DNAJC6: variants seen among roughly 807,000 people sequenced by gnomAD.
DNAJC6 encodes DnaJ heat shock protein family (Hsp40) member C6.
In DNAJC6, 34 loss-of-function variants were observed where a neutral mutation model predicts 110.0. The observed-to-expected ratio is 0.31, with a 90% CI of 0.24 to 0.41. The LOEUF is 0.41. DNAJC6 is among the 10% of genes least tolerant of loss of function. The pLI is 1.00. For missense variants in DNAJC6, 1,031 were observed against 1,207.8 expected, an observed-to-expected ratio of 0.85 and a Z score of 2.17; for synonymous variants, 406 against 437.2, an observed-to-expected ratio of 0.93 and a Z score of 0.89.
At chr1:65,363,531 C>G (rs1414538644) in intron 1 of DNAJC6, among the ~76,000 whole-genome samples, 1 of 152,190 alleles carries the variant, frequency 6.6e-6, no homozygotes, top group Non-Finnish European at 1.5e-5. Flanking sequence ...ATACACAGCA[C>G]TTCCCCTCAC....
At chr1:65,317,356 G>A (rs1247106150) in intron 1 of DNAJC6, among the ~76,000 whole-genome samples, 4 of 152,174 alleles carry the variant, frequency 2.6e-5, no homozygotes, top group Admixed American at 6.5e-5. Context: ...AGTTCTTCAC[G>A]GTCCAAGAAA....
rs143504255 is a variant in DNAJC6, at chr1:65,401,812, C to T, written c.2159C>T (p.Ser720Leu). The T allele has an allele frequency of 2.2e-4, 363 of 1,613,938 alleles. No individual in the cohort carries two copies. In the African/African-American group the frequency reaches 4.0e-3, roughly 18 times the overall value. The change falls in exon 15 of 19, where the codon TCG (serine) becomes TTG (leucine). Residue 720 changes from serine to leucine, a missense_variant. Transcript: ENST00000371069. ...KSAATSPTGS[S>L]HGTPTHQSKP... ...GCTGCCACCAGCCCAACCGGATCCT[C>T]GCATGGTACTCCCACCCATCAAAGC... is the stretch of plus-strand genomic sequence containing the variant.
At position 65,395,150 on chromosome 1, in the gene DNAJC6, C is replaced by G. The variant is rs1645964598; in HGVS notation, c.2038+118C>G. 4.4e-6 allele frequency: 5 copies of G among 1,145,704 alleles called. No individual in the cohort carries two copies. The East Asian group carries it at 1.4e-4, about 32-fold the overall frequency. The allele number at this position is 1,145,704 out of a possible 1,614,324, so 71.0% of individuals were successfully genotyped here. A position where few individuals can be genotyped will look rare whatever the true frequency, so the allele number is the denominator to read the frequency against. On this transcript the variant is annotated intron_variant, in intron 13 of 18. Coordinates refer to ENST00000371069, the MANE Select transcript of DNAJC6 (RefSeq NM_001256864.2). ...TTTTGATAAAAGCTTCCTCACACATCTCTGTTTTTGAAATTAACAACTCAC... is the reference window on the plus strand; with the variant it reads ...TTTTGATAAAAGCTTCCTCACACATGTCTGTTTTTGAAATTAACAACTCAC...
intron 5 of DNAJC6, 43 bp downstream of exon 5, chr1:65,379,567 C>A: frequency 1.2e-6 from 2 of 1,609,722 alleles, no homozygotes; most frequent in South Asian, 2.2e-5. Context: ...TTGGTTTGGT[C>A]AAATATGGAT....
At chr1:65,382,360 G>A (rs1645830149) in intron 5 of DNAJC6, among the ~76,000 whole-genome samples, 1 of 152,162 alleles carries the variant, frequency 6.6e-6, no homozygotes, top group Admixed American at 6.5e-5. Context: ...AAAGGTAGGT[G>A]ATTAATGGAT....
chr1:65,382,459 CT>C (rs1645830854), intron 5 of DNAJC6, among the ~76,000 whole-genome samples: 1 of 152,104 alleles, frequency 6.6e-6, no homozygotes, highest in African/African-American at 2.4e-5. Context: ...TATCAATTTT[CT>C]TAGAATTATA....
chr1:65,403,469 T>C (rs1328478971), intron 15 of DNAJC6, among the ~76,000 whole-genome samples: 1 of 152,228 alleles, frequency 6.6e-6, no homozygotes, highest in Non-Finnish European at 1.5e-5. Flanking sequence ...ACAGGTATTT[T>C]TGAGTACTTA....
intron 1 of DNAJC6, among the ~76,000 whole-genome samples, chr1:65,281,452 C>T (rs1367437462): frequency 6.6e-6 from 1 of 152,142 alleles, no homozygotes; most frequent in Non-Finnish European, 1.5e-5. Context: ...CTGGCAACCA[C>T]TAATCTATTT....
intron 4 of DNAJC6, among the ~76,000 whole-genome samples, chr1:65,368,662 T>C (rs531147784): frequency 2.0e-5 from 3 of 147,762 alleles, no homozygotes; most frequent in African/African-American, 7.5e-5. Flanking sequence ...CCCTTCCTCC[T>C]TCCTTCCTCT....
chr1:65,334,186 T>C (rs1404452848), intron 1 of DNAJC6, among the ~76,000 whole-genome samples: 1 of 152,254 alleles, frequency 6.6e-6, no homozygotes, highest in Non-Finnish European at 1.5e-5. Context: ...AAGTATAACA[T>C]GTAACCATGT....
intron 1 of DNAJC6, among the ~76,000 whole-genome samples, chr1:65,336,659 T>C (rs1645340007): frequency 6.6e-6 from 1 of 152,156 alleles, no homozygotes; most frequent in South Asian, 2.1e-4. Flanking sequence ...AATATGCCTC[T>C]AACATGTAAG....
At chr1:65,304,644 A>G (rs1052986662), upstream of DNAJC6, among the ~76,000 whole-genome samples, 1 of 152,214 alleles carries the variant, frequency 6.6e-6, no homozygotes, top group Non-Finnish European at 1.5e-5. Context: ...GAGCAGAGTC[A>G]GGAGAGGATT....
chr1:65,348,190 T>C (rs766748468), intron 1 of DNAJC6, among the ~76,000 whole-genome samples: 11 of 152,220 alleles, frequency 7.2e-5, no homozygotes, highest in Non-Finnish European at 1.0e-4. Context: ...TGAATCTTAA[T>C]TGACACCCAG....
intron 1 of DNAJC6, among the ~76,000 whole-genome samples, chr1:65,349,126 A>G (rs1271634113): frequency 6.9e-6 from 1 of 145,936 alleles, no homozygotes; most frequent in Non-Finnish European, 1.5e-5. Context: ...ATATATATAT[A>G]TAAATATATA....
intron 1 of DNAJC6, among the ~76,000 whole-genome samples, chr1:65,335,005 T>C (rs994640098): frequency 1.8e-4 from 27 of 152,246 alleles, no homozygotes; most frequent in Non-Finnish European, 3.5e-4. Context: ...CTGTGCAGTA[T>C]TGCTGACCAA....
At chr1:65,362,730 G>T (rs1250541739) in intron 1 of DNAJC6, among the ~76,000 whole-genome samples, 1 of 152,126 alleles carries the variant, frequency 6.6e-6, no homozygotes, top group Non-Finnish European at 1.5e-5. Context: ...AATGACTCAC[G>T]CTCTTGACTG....
At chr1:65,293,675 T>A (rs1270780927) in intron 1 of DNAJC6, among the ~76,000 whole-genome samples, 5 of 152,134 alleles carry the variant, frequency 3.3e-5, no homozygotes, top group African/African-American at 1.2e-4. Flanking sequence ...TGCAAACATT[T>A]TTTCATAACA....
chr1:65,373,899 T>C (rs1645733311), intron 4 of DNAJC6, among the ~76,000 whole-genome samples: 1 of 152,154 alleles, frequency 6.6e-6, no homozygotes, highest in Non-Finnish European at 1.5e-5. Context: ...TTTCTTCTAG[T>C]CATTTTATAT....
chr1:65,313,806 C>G (rs1286410600), intron 1 of DNAJC6, among the ~76,000 whole-genome samples: 1 of 152,210 alleles, frequency 6.6e-6, no homozygotes, highest in East Asian at 1.9e-4. Flanking sequence ...TCTGCCTTCC[C>G]TGGCTCACTT....
Sources: allele counts gnomAD v4.1 joint callset (sites outside exome capture counted in the v4.1 genomes callset), GRCh38; gene constraint gnomAD v4.1.1; transcripts MANE v1.5; gene names NCBI Gene and HGNC (gene_info 2026-07-23, HGNC 2026-07-21).